CTNNA3: variants seen among roughly 807,000 people sequenced by gnomAD.
CTNNA3 encodes the protein catenin alpha 3.
A neutral mutation model predicts 95.7 loss-of-function variants in CTNNA3; 76 were observed. That is an observed-to-expected ratio of 0.79 (90% CI 0.66 to 0.96). The LOEUF is 0.96. CTNNA3 is among the 40% of genes least tolerant of loss of function. CTNNA3 has a pLI of 0.00. For synonymous variants in CTNNA3, 431 were observed against 374.4 expected (o/e 1.15, Z -1.74); for missense variants, 1,191 against 1,089.8 (o/e 1.09, Z -1.31).
At chr10:67,691,969 C>T (rs1367845486) in intron 1 of CTNNA3, among the ~76,000 whole-genome samples, 6 of 149,902 alleles carry the variant, frequency 4.0e-5, no homozygotes, top group Non-Finnish European at 8.9e-5. Flanking sequence ...CCCGGCCAGC[C>T]GCCCCATCCG....
intron 5 of CTNNA3, among the ~76,000 whole-genome samples, chr10:67,233,232 C>A (rs1865303937): frequency 6.6e-6 from 1 of 152,046 alleles, no homozygotes; most frequent in South Asian, 2.1e-4. Flanking sequence ...CACACCACAC[C>A]TATTCCAAAA....
At chr10:66,660,116 C>A (rs920480589) in intron 9 of CTNNA3, among the ~76,000 whole-genome samples, 1 of 152,002 alleles carries the variant, frequency 6.6e-6, no homozygotes, top group Non-Finnish European at 1.5e-5. Flanking sequence ...GCCACTGTGC[C>A]CAGCCTATTC....
chr10:65,942,418 A>C (rs1391788043), intron 17 of CTNNA3, among the ~76,000 whole-genome samples: 1 of 152,136 alleles, frequency 6.6e-6, no homozygotes. Context: ...TGTCCCAACT[A>C]CTCGGGAGGC....
At chr10:67,577,041 T>C (rs1842182596) in intron 3 of CTNNA3, among the ~76,000 whole-genome samples, 1 of 150,726 alleles carries the variant, frequency 6.6e-6, no homozygotes, top group Admixed American at 6.6e-5. Context: ...TATAGCAGCA[T>C]GATTTATAGT....
intron 7 of CTNNA3, among the ~76,000 whole-genome samples, chr10:66,940,291 T>C (rs1219010903): frequency 6.6e-6 from 1 of 152,056 alleles, no homozygotes; most frequent in Non-Finnish European, 1.5e-5. Context: ...ACTTGAGCTC[T>C]CAAGACCAGT....
intron 7 of CTNNA3, among the ~76,000 whole-genome samples, chr10:66,847,304 T>C (rs1843315732): frequency 6.6e-6 from 1 of 152,248 alleles, no homozygotes; most frequent in South Asian, 2.1e-4. Flanking sequence ...TTTTCAGGGC[T>C]ATATCTATCA....
At chr10:66,158,255 G>T (rs2084650939) in intron 13 of CTNNA3, among the ~76,000 whole-genome samples, 1 of 152,040 alleles carries the variant, frequency 6.6e-6, no homozygotes, top group Admixed American at 6.6e-5. Flanking sequence ...TGTCTAGAAG[G>T]GTTTTTCCGA....
At chr10:67,523,238 C>A (rs183853850) in intron 4 of CTNNA3, among the ~76,000 whole-genome samples, 1 of 152,120 alleles carries the variant, frequency 6.6e-6, no homozygotes, top group Admixed American at 6.5e-5. Flanking sequence ...ACCTACTATG[C>A]ACAAAGCACT....
intron 7 of CTNNA3, among the ~76,000 whole-genome samples, chr10:66,951,124 T>C (rs1342443675): frequency 6.8e-6 from 1 of 146,592 alleles, no homozygotes; most frequent in African/African-American, 2.5e-5. Context: ...CACACTGTCT[T>C]TTTTTTTTTT....
At chr10:66,796,652 T>G (rs1034604826) in intron 7 of CTNNA3, among the ~76,000 whole-genome samples, 1 of 151,990 alleles carries the variant, frequency 6.6e-6, no homozygotes, top group Non-Finnish European at 1.5e-5. Context: ...ATCTCCAAAG[T>G]GCAATAAAGT....
intron 12 of CTNNA3, among the ~76,000 whole-genome samples, chr10:66,349,985 A>ACC (rs1181190539): frequency 6.6e-6 from 1 of 152,080 alleles, no homozygotes; most frequent in Non-Finnish European, 1.5e-5. Context: ...ACCATTACTA[A>ACC]TACTCTTCAA....
chr10:66,034,021 T>C (rs1478402112), intron 15 of CTNNA3, among the ~76,000 whole-genome samples: 1 of 151,818 alleles, frequency 6.6e-6, no homozygotes, highest in Non-Finnish European at 1.5e-5. Flanking sequence ...ATATTAACAG[T>C]ATATACCTCA....
chr10:67,520,026 C>A (rs972138905), intron 5 of CTNNA3, among the ~76,000 whole-genome samples: 3 of 152,116 alleles, frequency 2.0e-5, no homozygotes, highest in African/African-American at 7.2e-5. Flanking sequence ...CCCAGTTTCA[C>A]GCCTTATTAG....
In CTNNA3 at chr10:67,531,346, G is replaced by A. The variant is rs1445366217; in HGVS notation, c.459+8157C>T. 2.6e-5 allele frequency among the ~76,000 whole-genome samples: 4 copies of A among 152,298 alleles called. No homozygotes were observed. The East Asian group carries it at 5.8e-4, about 22-fold the overall frequency. Reference sequence around the variant, plus strand: ...GGCTGTATCCCGCAAAGCCACAGGGGGAGAGCTGCCCAAGACCATGGGAAC... The same window carrying A: ...GGCTGTATCCCGCAAAGCCACAGGGAGAGAGCTGCCCAAGACCATGGGAAC... On this transcript the variant is annotated intron_variant, in intron 4 of 17. Transcript: ENST00000433211.
At chr10:66,844,633 T>C (rs148317793) in intron 7 of CTNNA3, among the ~76,000 whole-genome samples, 15 of 152,324 alleles carry the variant, frequency 9.8e-5, no homozygotes, top group African/African-American at 3.6e-4. Context: ...AAGGAGTCAG[T>C]CAGTAATCTA....
chr10:66,635,596 T>A (rs1482387213), intron 9 of CTNNA3, among the ~76,000 whole-genome samples: 4 of 152,174 alleles, frequency 2.6e-5, no homozygotes, highest in Non-Finnish European at 5.9e-5. Flanking sequence ...ATTGCACTGT[T>A]CAAATGCTAT....
At chr10:66,549,301 T>C (rs1295624101) in intron 10 of CTNNA3, among the ~76,000 whole-genome samples, 1 of 152,178 alleles carries the variant, frequency 6.6e-6, no homozygotes, top group Non-Finnish European at 1.5e-5. Flanking sequence ...CGGCCGCCTT[T>C]CTTCTTTGAA....
rs75303215 is a variant in CTNNA3, at chr10:66,203,039, C to T, written c.1884+77431G>A. The stretch of plus-strand genomic sequence containing the variant: ...GTCTCCACTGCTGAGGTCTAAGCTA[C>T]GCTTCATGGGACAAACCATTAAAAA... On this transcript the variant is annotated intron_variant, in intron 13 of 17. Coordinates refer to ENST00000433211, the MANE Select transcript of CTNNA3 (RefSeq NM_013266.4). 9.0e-4 allele frequency among the ~76,000 whole-genome samples: 137 copies of T among 152,260 alleles called. 2 individuals carry two copies. In the East Asian group the frequency reaches 0.024, roughly 27 times the overall value.
intron 3 of CTNNA3, among the ~76,000 whole-genome samples, chr10:67,575,842 T>C (rs1427612920): frequency 2.0e-5 from 3 of 152,192 alleles, no homozygotes; most frequent in Non-Finnish European, 2.9e-5. Flanking sequence ...TTGTATTCCT[T>C]TGCTGTAGTT....
Sources: gnomAD v4.1 joint callset for allele counts (sites outside exome capture counted in the v4.1 genomes callset) on GRCh38, gnomAD v4.1.1 for gene constraint, MANE v1.5 for transcripts, NCBI Gene and HGNC (gene_info 2026-07-23, HGNC 2026-07-21) for gene names.